Variants in MYBPC1 observed in about 807,000 individuals in gnomAD.
MYBPC1 encodes myosin-binding protein C, slow-type.
Under a neutral mutation model 147.1 loss-of-function variants are expected in MYBPC1, and 52 were observed. That is an observed-to-expected ratio of 0.35 (90% CI 0.28 to 0.45). The LOEUF is 0.45. MYBPC1 is among the 20% of genes least tolerant of loss of function. MYBPC1 has a pLI of 1.00. For synonymous variants in MYBPC1, 477 were observed against 475.9 expected (o/e 1.00, Z -0.03); for missense variants, 1,228 against 1,440.3 (o/e 0.85, Z 2.39).
chr12:101,651,152 T>C (rs749570861), intron 15 of MYBPC1, 79 bp from the exon 16 acceptor site: 42 of 1,465,186 alleles, frequency 2.9e-5, no homozygotes, highest in Non-Finnish European at 3.9e-5. Flanking sequence ...TAGAGCTCAC[T>C]ATACCATTGT....
intron 11 of MYBPC1, among the ~76,000 whole-genome samples, chr12:101,643,257 AT>A (rs1470251646): frequency 1.3e-5 from 2 of 152,192 alleles, no homozygotes; most frequent in Non-Finnish European, 2.9e-5. Context: ...TTTAAAAAAA[AT>A]CTGACCTTTA....
chr12:101,683,056 C>G (rs535136476), intron 30 of MYBPC1, among the ~76,000 whole-genome samples: 1 of 152,234 alleles, frequency 6.6e-6, no homozygotes, highest in African/African-American at 2.4e-5. Context: ...ATTCATGATG[C>G]AATTCAGAGA....
chr12:101,615,839 T>G (rs1885882372), intron 2 of MYBPC1, among the ~76,000 whole-genome samples: 1 of 152,036 alleles, frequency 6.6e-6, no homozygotes, highest in Non-Finnish European at 1.5e-5. Flanking sequence ...TATGAGGCAA[T>G]TATAAAGCTC....
At chr12:101,595,772 T>C (rs879432808) in intron 1 of MYBPC1, among the ~76,000 whole-genome samples, 10 of 152,286 alleles carry the variant, frequency 6.6e-5, no homozygotes, top group Admixed American at 6.5e-4. Flanking sequence ...GCTTTAAGAA[T>C]AGTTAAGCTG....
intron 3 of MYBPC1, 86 bp from the exon 4 acceptor site, chr12:101,626,786 A>G: frequency 8.5e-7 from 1 of 1,172,784 alleles, no homozygotes; most frequent in Non-Finnish European, 1.3e-6. Context: ...GTGGTTTCTC[A>G]TCTTCTTTTT....
chr12:101,649,905 T>G (rs825050), intron 15 of MYBPC1, among the ~76,000 whole-genome samples: 103,092 of 152,144 alleles, frequency 0.68, 36,936 homozygotes, highest in African/African-American at 0.92. Flanking sequence ...GCCCTCTACT[T>G]CTAGTCAGTT....
chr12:101,692,801 TG>T, the MYBPC1 span, among the ~76,000 whole-genome samples: 2 of 152,044 alleles, frequency 1.3e-5, no homozygotes, highest in Non-Finnish European at 2.9e-5. Context: ...TATGTTAGAG[TG>T]GGGTAAGGTA....
rs1348653467 is a variant in MYBPC1 at position 101,644,747 on chromosome 12, T to C, written c.916T>C (p.Leu306=). 2 of 1,613,898 alleles carry C rather than the reference T, an allele frequency of 1.2e-6. No individual in the cohort carries two copies. Among genetic ancestry groups the C allele is most frequent in the Admixed American group, 1.7e-5 (1 of 59,996 alleles). The change falls in exon 12 of 32, where the codon TTG becomes CTG. Residue 306 remains leucine, a synonymous_variant. Transcript: ENST00000361466. ...TGTTGTGGAGCTGGCAGATCCAAAG[T>C]TGGAGGTGAAATGGTATAAAAATGG... ...RFVVELADPK[L]EVKWYKNGQE...
intron 10 of MYBPC1, among the ~76,000 whole-genome samples, chr12:101,641,798 A>C (rs924430409): frequency 6.6e-6 from 1 of 151,172 alleles, no homozygotes; most frequent in Non-Finnish European, 1.5e-5. Context: ...AACCATGTGA[A>C]AAACAAACAA....
chr12:101,663,159 TGCCTTCTTCAACTTCTTTGG>T (rs1306309997), intron 21 of MYBPC1, among the ~76,000 whole-genome samples: 4 of 152,196 alleles, frequency 2.6e-5, no homozygotes, highest in African/African-American at 9.7e-5. Context: ...TCCCAAACCT[TGCCTTCTTCAACTTCTTTGG>T]GCCTCCCAGC....
chr12:101,660,684 CT>C (rs1261748905), intron 19 of MYBPC1, among the ~76,000 whole-genome samples: 1 of 152,038 alleles, frequency 6.6e-6, no homozygotes, highest in Non-Finnish European at 1.5e-5. Context: ...TGATAAAGGC[CT>C]ACTAGAGACT....
chr12:101,677,562 G>T (rs543306676), intron 27 of MYBPC1, among the ~76,000 whole-genome samples, 168 bp downstream of exon 27: 33 of 152,296 alleles, frequency 2.2e-4, no homozygotes, highest in African/African-American at 7.9e-4. Context: ...TAAAATTTAA[G>T]TGAAATTGTA....
chr12:101,625,623 A>G (rs1473506203), intron 3 of MYBPC1, among the ~76,000 whole-genome samples: 1 of 152,210 alleles, frequency 6.6e-6, no homozygotes, highest in African/African-American at 2.4e-5. Flanking sequence ...CTCCTCTGCT[A>G]ACAGGAAACA....
At chr12:101,603,161 A>G (rs934560159) in intron 1 of MYBPC1, among the ~76,000 whole-genome samples, 3 of 151,822 alleles carry the variant, frequency 2.0e-5, no homozygotes, top group East Asian at 4.0e-4. Context: ...CCTGACCAAC[A>G]TGGAAAAACC....
At chr12:101,681,555 CATATATATATATATATATAT>C (rs1206495774) in intron 29 of MYBPC1, among the ~76,000 whole-genome samples, 291 of 23,170 alleles carry the variant, frequency 0.013, 9 homozygotes, top group African/African-American at 0.036. Flanking sequence ...AAATAACTTT[CATATATATATATATATATAT>C]ATATATATAT....
intron 15 of MYBPC1, among the ~76,000 whole-genome samples, 177 bp downstream of exon 15, chr12:101,649,603 C>G (rs972287939): frequency 6.6e-6 from 1 of 152,076 alleles, no homozygotes; most frequent in Non-Finnish European, 1.5e-5. Context: ...AAGGAAGGAA[C>G]CACGACTCAA....
intron 1 of MYBPC1, among the ~76,000 whole-genome samples, chr12:101,614,027 T>G (rs1213849006): frequency 1.3e-5 from 2 of 152,166 alleles, no homozygotes; most frequent in East Asian, 1.9e-4. Flanking sequence ...TACCTTAGAC[T>G]CTACGGGATA....
intron 8 of MYBPC1, among the ~76,000 whole-genome samples, chr12:101,634,022 G>A (rs550248288): frequency 2.6e-5 from 4 of 151,486 alleles, no homozygotes; most frequent in South Asian, 4.2e-4. Flanking sequence ...TCAGCCTCCC[G>A]AGTAGCTGGG....
At chr12:101,669,845 G>A (rs1898176825) in intron 23 of MYBPC1, 2 of 255,566 alleles carry the variant, frequency 7.8e-6, no homozygotes, top group Non-Finnish European at 1.5e-5. Flanking sequence ...GCTGAGACAT[G>A]AGAATCGCTT....
Sources: allele counts gnomAD v4.1 joint callset (sites outside exome capture counted in the v4.1 genomes callset), GRCh38; gene constraint gnomAD v4.1.1; transcripts MANE v1.5; gene names NCBI Gene and HGNC (gene_info 2026-07-23, HGNC 2026-07-21).